The following PRKG1 variants were observed in gnomAD, a reference collection of about 807,000 sequenced individuals.
The protein encoded by PRKG1 is protein kinase cGMP-dependent 1.
A neutral mutation model predicts 88.1 loss-of-function variants in PRKG1; 35 were observed. The ratio of observed to expected loss-of-function variants is 0.40; its 90% CI spans 0.30 to 0.53. The LOEUF is 0.53. Ranked by LOEUF, PRKG1 falls within the 20% of genes least tolerant of loss-of-function variation. The pLI, the probability that PRKG1 is intolerant of heterozygous loss-of-function variation, is 0.59. For missense variants in PRKG1, 540 were observed against 839.8 expected (o/e 0.64, Z 4.41); for synonymous variants, 303 against 292.5 (o/e 1.04, Z -0.37).
chr10:52,031,022 G>A (rs1047537374), intron 5 of PRKG1, among the ~76,000 whole-genome samples: 74 of 151,998 alleles, frequency 4.9e-4, no homozygotes, highest in African/African-American at 1.4e-3. Flanking sequence ...CAGATAAGGT[G>A]ATGTCACTAA....
At chr10:51,408,633 G>A (rs1430544143) in intron 2 of PRKG1, among the ~76,000 whole-genome samples, 1 of 152,180 alleles carries the variant, frequency 6.6e-6, no homozygotes, top group Non-Finnish European at 1.5e-5. Flanking sequence ...GTTGGTCTCT[G>A]CTGCTGGCAA....
At chr10:52,127,763 A>G (rs181012820) in intron 7 of PRKG1, among the ~76,000 whole-genome samples, 47 of 152,284 alleles carry the variant, frequency 3.1e-4, no homozygotes, top group African/African-American at 1.1e-3. Flanking sequence ...TAGAAGGTAT[A>G]TAATTATTTG....
intron 2 of PRKG1, among the ~76,000 whole-genome samples, chr10:51,277,502 G>A (rs1434243605): frequency 6.6e-6 from 1 of 152,174 alleles, no homozygotes; most frequent in Non-Finnish European, 1.5e-5. Context: ...TGTGAAGAAA[G>A]TCTTTCGTAG....
Position 51,915,103 on chromosome 10 carries a change from A to C in PRKG1, c.762+7533A>C, listed in dbSNP as rs547657706. On this transcript the variant is annotated intron_variant, in intron 5 of 17. Transcript: ENST00000373980. ...AATAATTTAGTTGTTTTGGCTGTGC[A>C]GCTGTTCCTCAGTTTTACTGTCCTG... is the stretch of plus-strand genomic sequence containing the variant. 7.2e-5 allele frequency among the ~76,000 whole-genome samples: 11 copies of C among 152,318 alleles called. No individual in the cohort carries two copies. The East Asian group carries it at 2.1e-3, about 29-fold the overall frequency.
intron 9 of PRKG1, among the ~76,000 whole-genome samples, chr10:52,226,488 C>T (rs1254999473): frequency 3.9e-5 from 6 of 152,086 alleles, no homozygotes; most frequent in Non-Finnish European, 4.4e-5. Context: ...ACATGCAGAG[C>T]AAAGGTGATG....
chr10:51,158,654 C>T (rs1244174123), intron 2 of PRKG1, among the ~76,000 whole-genome samples: 2 of 151,882 alleles, frequency 1.3e-5, no homozygotes, highest in Non-Finnish European at 2.9e-5. Context: ...CTTATTAGTT[C>T]CTTTTTTCTT....
At chr10:51,555,140 T>C (rs1341122679) in intron 3 of PRKG1, among the ~76,000 whole-genome samples, 3 of 152,054 alleles carry the variant, frequency 2.0e-5, no homozygotes, top group East Asian at 3.9e-4. Flanking sequence ...ACAAGGGGGT[T>C]GTCACGTTTT....
chr10:51,479,257 G>C (rs1025955468), intron 3 of PRKG1, among the ~76,000 whole-genome samples: 1 of 151,830 alleles, frequency 6.6e-6, no homozygotes, highest in Non-Finnish European at 1.5e-5. Context: ...GATCATAAAA[G>C]TAATGTGTTT....
intron 9 of PRKG1, among the ~76,000 whole-genome samples, chr10:52,203,327 A>C (rs577130833): frequency 1.3e-5 from 2 of 152,312 alleles, no homozygotes; most frequent in East Asian, 3.9e-4. Context: ...TATGGTTTTA[A>C]GTGATCTTCT....
intron 5 of PRKG1, among the ~76,000 whole-genome samples, chr10:52,051,760 G>A (rs1028398776): frequency 1.3e-5 from 2 of 152,214 alleles, no homozygotes; most frequent in African/African-American, 2.4e-5. Flanking sequence ...CCCTGGAGAA[G>A]CAGCAATGCC....
intron 3 of PRKG1, among the ~76,000 whole-genome samples, chr10:51,584,109 T>C (rs942542029): frequency 6.6e-6 from 1 of 152,126 alleles, no homozygotes; most frequent in African/African-American, 2.4e-5. Flanking sequence ...GGAGAATTAA[T>C]TAGTTTCCAT....
At chr10:52,173,949 T>C (rs968844064) in intron 9 of PRKG1, among the ~76,000 whole-genome samples, 1 of 152,118 alleles carries the variant, frequency 6.6e-6, no homozygotes, top group Non-Finnish European at 1.5e-5. Flanking sequence ...TTATCAGTTT[T>C]ACTAAGTTTT....
chr10:51,868,241 A>C (rs932358079), intron 4 of PRKG1, among the ~76,000 whole-genome samples: 23 of 152,292 alleles, frequency 1.5e-4, no homozygotes, highest in African/African-American at 5.3e-4. Flanking sequence ...AGAGAACAAA[A>C]GTGAAAGTAG....
At chr10:51,405,627 A>G (rs1837887505) in intron 2 of PRKG1, among the ~76,000 whole-genome samples, 1 of 152,202 alleles carries the variant, frequency 6.6e-6, no homozygotes, top group African/African-American at 2.4e-5. Context: ...GCCTTTGGCA[A>G]ACTTTTACTA....
intron 5 of PRKG1, among the ~76,000 whole-genome samples, chr10:52,005,888 C>T (rs115533532): frequency 1.3e-5 from 2 of 151,922 alleles, no homozygotes; most frequent in African/African-American, 4.8e-5. Flanking sequence ...AGATCAGGGC[C>T]AACCTGGCAA....
rs80209163 is a variant in PRKG1, at chr10:51,488,580, C to A, written c.592+20744C>A. Among the ~76,000 whole-genome samples the A allele has an allele frequency of 5.3e-3, 805 of 152,184 alleles. 12 individuals are homozygous for A. The highest frequency in any genetic ancestry group is 0.034 in the Middle Eastern group (10 of 294). On this transcript the variant is annotated intron_variant, in intron 3 of 17. Transcript: ENST00000373980. ...TACTACTAGATGATGTTTGTGCAGA[C>A]CTTTAATTTGGCTTGAAATGTAATC...
chr10:51,007,274 T>G (rs1331829302), intron 1 of PRKG1, among the ~76,000 whole-genome samples: 1 of 152,136 alleles, frequency 6.6e-6, no homozygotes, highest in Non-Finnish European at 1.5e-5. Context: ...TGTAGTTATC[T>G]CTCAGGTGTT....
chr10:51,019,793 C>CAACAA, intron 1 of PRKG1, among the ~76,000 whole-genome samples: 1 of 150,500 alleles, frequency 6.6e-6, no homozygotes, highest in South Asian at 2.1e-4. Flanking sequence ...TGAAACTAAG[C>CAACAA]AACAAAACAA....
intron 3 of PRKG1, among the ~76,000 whole-genome samples, chr10:51,748,280 T>C (rs1400313930): frequency 6.6e-6 from 1 of 152,248 alleles, no homozygotes; most frequent in Non-Finnish European, 1.5e-5. Flanking sequence ...AAGTTCTCAT[T>C]TCTGATTCCA....
Sources: gnomAD v4.1 joint callset for allele counts (sites outside exome capture counted in the v4.1 genomes callset) on GRCh38, gnomAD v4.1.1 for gene constraint, MANE v1.5 for transcripts, NCBI Gene and HGNC (gene_info 2026-07-23, HGNC 2026-07-21) for gene names.